Variants in THBS4 observed in about 807,000 individuals in gnomAD.
The protein encoded by THBS4 is thrombospondin 4.
Under a neutral mutation model 115.7 loss-of-function variants are expected in THBS4, and 90 were observed. The observed-to-expected ratio is 0.78, with a 90% confidence interval of 0.66 to 0.93. The LOEUF (loss-of-function observed/expected upper bound fraction) is 0.93. Ranked by LOEUF, THBS4 falls within the 40% of genes least tolerant of loss-of-function variation. The pLI, the probability that THBS4 is intolerant of heterozygous loss-of-function variation, is 0.00. For synonymous variants in THBS4, 460 were observed against 479.3 expected (o/e 0.96, Z 0.53); for missense variants, 1,087 against 1,232.7 (o/e 0.88, Z 1.77).
intron 2 of THBS4, among the ~76,000 whole-genome samples, chr5:80,029,383 T>C (rs142947300): frequency 1.1e-3 from 165 of 152,274 alleles, no homozygotes; most frequent in African/African-American, 3.8e-3. Context: ...CTTTAAGAGA[T>C]CCTAGTTGTT....
chr5:80,080,534 G>A (rs1743436421), intron 20 of THBS4, among the ~76,000 whole-genome samples: 1 of 142,932 alleles, frequency 7.0e-6, no homozygotes, highest in African/African-American at 2.6e-5. Context: ...CTTACAGTCT[G>A]TCTTCCCTGC....
rs1269578034 is a variant in THBS4 at position 80,071,276 on chromosome 5, C to T, written c.1720+96C>T. On this transcript the variant is annotated intron_variant, in intron 13 of 21. Transcript: ENST00000350881. ...AGGAATAGAATGACTGATTCGGAGC[C>T]TTCCAGCTGTGGGTGGCTCATTGTG... is the stretch of plus-strand genomic sequence containing the variant. The T allele has an allele frequency of 7.4e-6, 11 of 1,487,190 alleles. No individual in the cohort carries two copies. In the East Asian group the frequency reaches 2.6e-4, roughly 35 times the overall value. 92.1% of individuals were successfully genotyped at this position (1,487,190 alleles called of 1,614,324 possible).
At chr5:80,023,531 C>T (rs1057213811) in intron 2 of THBS4, among the ~76,000 whole-genome samples, 6 of 152,196 alleles carry the variant, frequency 3.9e-5, no homozygotes, top group South Asian at 4.1e-4. Context: ...ACAGTTTCCC[C>T]GTTTCCTCTT....
chr5:80,011,095 A>G (rs1484526979), intron 2 of THBS4, among the ~76,000 whole-genome samples: 1 of 152,218 alleles, frequency 6.6e-6, no homozygotes, highest in Non-Finnish European at 1.5e-5. Flanking sequence ...TTCTTGTGAT[A>G]GTGAATAAGT....
chr5:80,077,985 C>A, intron 16 of THBS4, 64 bp from the exon 17 acceptor site: 1 of 1,400,088 alleles, frequency 7.1e-7, no homozygotes, highest in East Asian at 2.6e-5. Context: ...GCCCCCTTCC[C>A]TGCCAAGGAG....
intron 2 of THBS4, among the ~76,000 whole-genome samples, chr5:80,029,805 A>AC (rs1832550106): frequency 1.3e-5 from 1 of 77,180 alleles, no homozygotes; most frequent in Non-Finnish European, 3.2e-5. Flanking sequence ...TAAAAATACA[A>AC]AAAAAAAAAA....
At chr5:80,056,262 A>G (rs901318752) in intron 3 of THBS4, among the ~76,000 whole-genome samples, 4 of 152,214 alleles carry the variant, frequency 2.6e-5, no homozygotes, top group African/African-American at 9.7e-5. Context: ...TAGGGGCATC[A>G]GCATATTTTT....
chr5:80,015,171 G>A (rs1296849284), intron 2 of THBS4, among the ~76,000 whole-genome samples: 1 of 152,204 alleles, frequency 6.6e-6, no homozygotes, highest in Non-Finnish European at 1.5e-5. Flanking sequence ...AAGGAAAAAA[G>A]GTGTAACCCT....
chr5:80,075,950 C>T (rs572653073), intron 15 of THBS4: 11 of 152,454 alleles, frequency 7.2e-5, no homozygotes, highest in African/African-American at 2.6e-4. Flanking sequence ...CTTCCCTCTC[C>T]AAAAGGGTGC....
At chr5:80,030,119 A>C (rs1017392027) in intron 2 of THBS4, among the ~76,000 whole-genome samples, 17 of 152,184 alleles carry the variant, frequency 1.1e-4, no homozygotes, top group African/African-American at 3.6e-4. Context: ...TAGTAAACTA[A>C]ATAGGAGTCC....
chr5:80,009,656 C>CAAAAA, intron 2 of THBS4, among the ~76,000 whole-genome samples: 1 of 148,668 alleles, frequency 6.7e-6, no homozygotes, highest in East Asian at 2.0e-4. Context: ...AAGAAAAACT[C>CAAAAA]AAAAAAAAAA....
chr5:80,058,423 C>T, intron 4 of THBS4, 109 bp downstream of exon 4: 1 of 745,474 alleles, frequency 1.3e-6, no homozygotes, highest in Non-Finnish European at 2.2e-6. Flanking sequence ...AGCAGCCCAA[C>T]AAAACGTATC....
chr5:80,018,712 T>A (rs559410213), intron 2 of THBS4, among the ~76,000 whole-genome samples: 46 of 152,278 alleles, frequency 3.0e-4, no homozygotes, highest in Middle Eastern at 3.4e-3. Context: ...ACTTATTTTT[T>A]AAACATTTTT....
intron 2 of THBS4, among the ~76,000 whole-genome samples, chr5:80,023,894 A>T (rs367685655): frequency 6.6e-6 from 1 of 152,132 alleles, no homozygotes; most frequent in African/African-American, 2.4e-5. Flanking sequence ...ATCCCACGAG[A>T]GTAAGAACTC....
At chr5:80,017,876 T>A (rs1486079191) in intron 2 of THBS4, among the ~76,000 whole-genome samples, 1 of 152,182 alleles carries the variant, frequency 6.6e-6, no homozygotes, top group African/African-American at 2.4e-5. Flanking sequence ...ATTGATCTTT[T>A]TTTTTCTTTG....
At chr5:80,006,826 G>A (rs1367338581) in intron 2 of THBS4, among the ~76,000 whole-genome samples, 1 of 152,114 alleles carries the variant, frequency 6.6e-6, no homozygotes, top group Non-Finnish European at 1.5e-5. Flanking sequence ...TAAAAGCCCT[G>A]ACTTCCCCAA....
chr5:80,028,738 C>T (rs995068944), intron 2 of THBS4, among the ~76,000 whole-genome samples: 3 of 152,116 alleles, frequency 2.0e-5, no homozygotes, highest in East Asian at 1.9e-4. Context: ...GGATTACAGG[C>T]GTGAGCTACC....
chr5:80,000,642 T>C (rs1042362686), intron 2 of THBS4, among the ~76,000 whole-genome samples: 1 of 152,206 alleles, frequency 6.6e-6, no homozygotes, highest in Non-Finnish European at 1.5e-5. Flanking sequence ...CATTTGTTGG[T>C]ATGGATAATT....
At chr5:80,076,289 A>G (rs1338079348) in intron 15 of THBS4, 1 of 152,238 alleles carries the variant, frequency 6.6e-6, no homozygotes, top group Non-Finnish European at 1.5e-5. Flanking sequence ...AATATAACGG[A>G]AAACACTGTA....
Sources: allele counts gnomAD v4.1 joint callset (sites outside exome capture counted in the v4.1 genomes callset), GRCh38; gene constraint gnomAD v4.1.1; transcripts MANE v1.5; gene names NCBI Gene and HGNC (gene_info 2026-07-23, HGNC 2026-07-21).